PCNX1: variants seen among roughly 807,000 people sequenced by gnomAD.
The protein encoded by PCNX1 is pecanex-like protein 1.
Under a neutral mutation model 242.2 loss-of-function variants are expected in PCNX1, and 78 were observed. That is an observed-to-expected ratio of 0.32 (90% CI 0.27 to 0.39). The LOEUF (loss-of-function observed/expected upper bound fraction) is 0.39, where lower values mean the gene tolerates loss of function less well. Ranked by LOEUF, PCNX1 falls within the 10% of genes least tolerant of loss-of-function variation. The pLI is 1.00. For missense variants in PCNX1, 2,581 were observed against 2,856.5 expected (o/e 0.90, Z 2.20); for synonymous variants, 1,024 against 1,032.9 (o/e 0.99, Z 0.17).
At chr14:70,952,178 G>T (rs1024706697) in intron 2 of PCNX1, among the ~76,000 whole-genome samples, 2 of 152,104 alleles carry the variant, frequency 1.3e-5, no homozygotes, top group African/African-American at 4.8e-5. Flanking sequence ...CTGACACATG[G>T]TAACACTTGA....
At position 71,113,419 on chromosome 14, in the gene PCNX1, A is replaced by AGAT. The variant is rs2141945262; in HGVS notation, c.*3486_*3488dup. 1 of 152,788 alleles carries AGAT rather than the reference A, an allele frequency of 6.5e-6. No individual in the cohort carries two copies. The highest frequency in any genetic ancestry group is 2.4e-5 in the African/African-American group (1 of 41,584). The allele number at this position is 152,788 out of a possible 1,614,324, so 9.5% of individuals were successfully genotyped here. ...TTTTTGTGTAGAAAACCCATTAAGA[A>AGAT]GATGTGTTTTTCTTTCTGAATTAGT... On this transcript the variant is annotated 3_prime_UTR_variant, in exon 36 of 36. Transcript: ENST00000304743.
chr14:70,988,485 GAAGTCAA>G, intron 6 of PCNX1, 75 bp from the exon 7 acceptor site: 1 of 1,441,562 alleles, frequency 6.9e-7, no homozygotes, highest in East Asian at 2.3e-5. Context: ...ATGAGGGTGG[GAAGTCAA>G]GGGAAAGCCA....
Position 71,110,971 on chromosome 14 carries a change from A to C in PCNX1, c.*1036A>C, listed in dbSNP as rs1391293080. ...CTAGCTCTTGAAGTTATTCACATGC[A>C]GTTCAGTTAGTCAAGTAAAATTTTT... On this transcript the variant is annotated 3_prime_UTR_variant, in exon 36 of 36. Coordinates refer to ENST00000304743, the MANE Select transcript of PCNX1 (RefSeq NM_014982.3). 6.6e-6 allele frequency: 1 copy of C among 152,668 alleles called. No individual in the cohort carries two copies. The highest frequency in any genetic ancestry group is 1.5e-5 in the Non-Finnish European group (1 of 68,036). 9.5% of individuals were successfully genotyped at this position (152,668 alleles called of 1,614,324 possible).
chr14:70,996,664 G>T (rs1451941493), intron 8 of PCNX1, among the ~76,000 whole-genome samples: 1 of 152,018 alleles, frequency 6.6e-6, no homozygotes, highest in African/African-American at 2.4e-5. Context: ...TCAGAATGCA[G>T]GTTAGTAATG....
chr14:71,062,893 T>C (rs2061361468), intron 26 of PCNX1, among the ~76,000 whole-genome samples: 2 of 152,216 alleles, frequency 1.3e-5, no homozygotes, highest in Admixed American at 1.3e-4. Flanking sequence ...TTTCTGTGTT[T>C]AGATGTGTTC....
chr14:71,078,895 G>A (rs1300358914), intron 28 of PCNX1, among the ~76,000 whole-genome samples: 1 of 152,088 alleles, frequency 6.6e-6, no homozygotes, highest in African/African-American at 2.4e-5. Context: ...TACATGTGCA[G>A]AACATGCAGG....
At chr14:70,938,525 G>A (rs1471317856) in intron 1 of PCNX1, among the ~76,000 whole-genome samples, 5 of 152,160 alleles carry the variant, frequency 3.3e-5, no homozygotes, top group African/African-American at 9.6e-5. Context: ...TGCTGGATTC[G>A]GTTTGCCAGT....
chr14:70,945,588 T>A (rs74247364), intron 1 of PCNX1, among the ~76,000 whole-genome samples: 6 of 146,158 alleles, frequency 4.1e-5, no homozygotes, highest in Non-Finnish European at 9.1e-5. Flanking sequence ...CTTTTTTTTT[T>A]AAAGAAATTT....
At chr14:71,065,788 G>C (rs980528719) in intron 26 of PCNX1, among the ~76,000 whole-genome samples, 1 of 152,126 alleles carries the variant, frequency 6.6e-6, no homozygotes, top group Non-Finnish European at 1.5e-5. Context: ...GTTAATTTTT[G>C]TATAAGGTGT....
At chr14:70,923,401 AT>A (rs1456070476) in intron 1 of PCNX1, among the ~76,000 whole-genome samples, 1 of 152,160 alleles carries the variant, frequency 6.6e-6, no homozygotes, top group African/African-American at 2.4e-5. Flanking sequence ...TCTATTAAAG[AT>A]TTTTTTAAAA....
At chr14:71,090,764 T>G (rs935935224) in intron 30 of PCNX1, among the ~76,000 whole-genome samples, 1 of 152,240 alleles carries the variant, frequency 6.6e-6, no homozygotes, top group Non-Finnish European at 1.5e-5. Context: ...TAATAGCTTC[T>G]GACAAACTTC....
chr14:70,941,629 G>T (rs771813612), intron 1 of PCNX1, among the ~76,000 whole-genome samples: 1 of 152,212 alleles, frequency 6.6e-6, no homozygotes, highest in Non-Finnish European at 1.5e-5. Flanking sequence ...CAAACTCTGT[G>T]CTGGGAGAAC....
intron 5 of PCNX1, among the ~76,000 whole-genome samples, chr14:70,970,419 T>A (rs1202683632): frequency 6.6e-6 from 1 of 152,192 alleles, no homozygotes; most frequent in Admixed American, 6.5e-5. Flanking sequence ...CTTTGAGAAT[T>A]ATAATATCCT....
rs535327459 is a variant in PCNX1 at position 71,014,442 on chromosome 14, A to G, written c.2996+1240A>G. On this transcript the variant is annotated intron_variant, in intron 11 of 35. Transcript: ENST00000304743. ...CAGTTGAGACCAAACTGTAGCTTAA[A>G]TAGATACTAGAATTAGCAGACAAGG... Among the ~76,000 whole-genome samples, 10 of 152,342 alleles carry G rather than the reference A, an allele frequency of 6.6e-5. No individual in the cohort carries two copies. In the South Asian group the frequency reaches 1.7e-3, roughly 25 times the overall value.
intron 6 of PCNX1, among the ~76,000 whole-genome samples, chr14:70,987,643 GT>G: frequency 6.6e-6 from 1 of 152,234 alleles, no homozygotes; most frequent in Middle Eastern, 3.4e-3. Context: ...AGATCACACA[GT>G]TGTTTTGTTT....
intron 27 of PCNX1, among the ~76,000 whole-genome samples, chr14:71,075,920 T>C (rs972016549): frequency 5.3e-5 from 8 of 151,772 alleles, no homozygotes; most frequent in Non-Finnish European, 1.2e-4. Context: ...ATAAATAGAA[T>C]TGTTTTGAAG....
At chr14:70,995,387 G>A (rs916137588) in intron 7 of PCNX1, among the ~76,000 whole-genome samples, 3 of 152,176 alleles carry the variant, frequency 2.0e-5, no homozygotes, top group African/African-American at 7.2e-5. Context: ...GGGCTTATCT[G>A]TTGGGGCCAG....
intron 5 of PCNX1, among the ~76,000 whole-genome samples, chr14:70,970,195 T>G (rs76302271): frequency 0.012 from 1,854 of 151,992 alleles, 39 homozygotes; most frequent in African/African-American, 0.043. Context: ...TGCCTGTCTC[T>G]ACAAAAAGTA....
At chr14:71,049,812 G>C (rs1275898671) in intron 22 of PCNX1, among the ~76,000 whole-genome samples, 1 of 152,170 alleles carries the variant, frequency 6.6e-6, no homozygotes, top group African/African-American at 2.4e-5. Flanking sequence ...GTATTTTAAA[G>C]GATGAGGTGA....
Sources: gnomAD v4.1 joint callset for allele counts (sites outside exome capture counted in the v4.1 genomes callset) on GRCh38, gnomAD v4.1.1 for gene constraint, MANE v1.5 for transcripts, NCBI Gene and HGNC (gene_info 2026-07-23, HGNC 2026-07-21) for gene names.